Variants in ACOT9 observed in about 807,000 individuals in gnomAD.
ACOT9 encodes the protein acyl-coenzyme A thioesterase 9, mitochondrial.
A neutral mutation model predicts 39.7 loss-of-function variants in ACOT9; 34 were observed. That is an observed-to-expected ratio of 0.86 (90% CI 0.65 to 1.14). The LOEUF (loss-of-function observed/expected upper bound fraction) is 1.14, where lower values mean the gene tolerates loss of function less well. ACOT9 is among the 50% of genes most tolerant of loss of function. The probability of loss-of-function intolerance (pLI) is 0.00; values close to 1 mark genes in which losing one functional copy is unlikely to be tolerated. For synonymous variants in ACOT9, 110 were observed against 120.5 expected (o/e 0.91, Z 0.57); for missense variants, 313 against 344.1 (o/e 0.91, Z 0.71).
chrX:23,742,213 T>TGAGAGAGA (rs1190609377), intron 1 of ACOT9, among the ~76,000 whole-genome samples: 4 of 68,909 alleles, frequency 5.8e-5, no homozygotes, highest in African/African-American at 1.5e-4. Context: ...AGTGAGTGAG[T>TGAGAGAGA]GAGAGAGAGA....
Position 23,704,706 on chromosome X carries a change from T to C in ACOT9, c.1246A>G (p.Lys416Glu). 8.3e-7 allele frequency: 1 copy of C among 1,211,533 alleles called. No individual in the cohort carries two copies. Among genetic ancestry groups the C allele is most frequent in the Non-Finnish European group, 1.1e-6 (1 of 895,232 alleles). ...AATCACTACTTACCTCCATATGTTT[T>C]TGGGAAAACCAATGGCACTTCTTTT... The part of the protein sequence containing the change: ...SEKEVPLVFP[K>E]TYGESMLYLD... Residue 416 changes from lysine to glutamate, a missense_variant, in exon 15 of 16, where the codon AAA becomes GAA. Physicochemically the swap from Lys to Glu is moderately conservative, Grantham distance 56. Transcript: ENST00000379303.
At chrX:23,735,215 T>A (rs1467591257) in intron 2 of ACOT9, among the ~76,000 whole-genome samples, 2 of 74,871 alleles carry the variant, frequency 2.7e-5, no homozygotes, top group African/African-American at 1.1e-4. Context: ...CACTCCAGCC[T>A]GGGTGACAGA....
chrX:23,720,758 G>A (rs987876923), intron 8 of ACOT9, among the ~76,000 whole-genome samples: 19 of 110,682 alleles, frequency 1.7e-4, no homozygotes, highest in Non-Finnish European at 3.4e-4. Context: ...TTGTGGTACC[G>A]CTGCCCCTTG....
intron 8 of ACOT9, among the ~76,000 whole-genome samples, chrX:23,719,963 T>C (rs947840310): frequency 1.8e-5 from 2 of 110,605 alleles, no homozygotes; most frequent in Non-Finnish European, 3.8e-5. Context: ...CAGCCTCCCA[T>C]AGCTGGGATT....
At chrX:23,730,158 G>A (rs1403329392) in intron 6 of ACOT9, among the ~76,000 whole-genome samples, 10 of 93,347 alleles carry the variant, frequency 1.1e-4, no homozygotes, top group African/African-American at 4.2e-4. Context: ...GCAATGGCAC[G>A]ATCTCAGCTC....
intron 9 of ACOT9, among the ~76,000 whole-genome samples, chrX:23,711,772 A>G (rs1928903030): frequency 9.0e-6 from 1 of 111,289 alleles, no homozygotes; most frequent in South Asian, 3.7e-4. Flanking sequence ...GAACCCACAC[A>G]CTAATCTTAG....
intron 8 of ACOT9, among the ~76,000 whole-genome samples, chrX:23,718,655 C>T (rs1466209664): frequency 9.0e-6 from 1 of 111,092 alleles, no homozygotes; most frequent in Non-Finnish European, 1.9e-5. Context: ...CCTGTAATCC[C>T]AGCACTTTGG....
chrX:23,705,799 T>G lies in ACOT9; in HGVS notation c.902A>C (p.Lys301Thr). 1 of 1,211,488 alleles carries G rather than the reference T, an allele frequency of 8.3e-7. No homozygotes were observed. The highest frequency in any genetic ancestry group is 1.1e-6 in the Non-Finnish European group (1 of 895,064). Reference sequence around the variant, plus strand: ...GTGGCAAATTTCCAAACTCTTCAGTTTTGAATTCTCCATCCACACTGCATT... The same window carrying G: ...GTGGCAAATTTCCAAACTCTTCAGTGTTGAATTCTCCATCCACACTGCATT... ...PSNAVWMENS[K>T]LKSLEICHPQ... is the part of the protein sequence containing the mutation. The change falls in exon 12 of 16, where the codon AAA (lysine) becomes ACA (threonine). Residue 301 changes from lysine (K) to threonine (T), a missense_variant. By Grantham distance (78) the Lys-to-Thr change is moderately conservative. Transcript: ENST00000379303.
chrX:23,730,458 C>T (rs1340045646), intron 6 of ACOT9, 69 bp downstream of exon 6: 1 of 836,748 alleles, frequency 1.2e-6, no homozygotes, highest in Non-Finnish European at 1.8e-6. Flanking sequence ...ATAAAAGAGC[C>T]CTTTCCAGTC....
chrX:23,730,157 C>T (rs1389730291), intron 6 of ACOT9, among the ~76,000 whole-genome samples: 4 of 92,980 alleles, frequency 4.3e-5, no homozygotes, highest in Admixed American at 1.4e-4. Flanking sequence ...TGCAATGGCA[C>T]GATCTCAGCT....
At chrX:23,728,916 C>A (rs943432157) in intron 6 of ACOT9, among the ~76,000 whole-genome samples, 1 of 110,897 alleles carries the variant, frequency 9.0e-6, no homozygotes, top group Non-Finnish European at 1.9e-5. Flanking sequence ...CAGAAGCTAG[C>A]CTGAAGGGAC....
chrX:23,728,975 A>G (rs888036755), intron 6 of ACOT9, among the ~76,000 whole-genome samples: 60 of 111,683 alleles, frequency 5.4e-4, no homozygotes, highest in African/African-American at 1.8e-3. Flanking sequence ...ATAGTAACAT[A>G]TTATAGTCCA....
chrX:23,739,864 G>A (rs1053448264), intron 1 of ACOT9, among the ~76,000 whole-genome samples: 3 of 110,760 alleles, frequency 2.7e-5, no homozygotes, highest in Non-Finnish European at 5.7e-5. Flanking sequence ...AGAATCAAAT[G>A]AGGAGAGAAA....
intron 15 of ACOT9, 59 bp from the exon 16 acceptor site, chrX:23,704,041 T>A (rs1311225896): frequency 2.0e-6 from 2 of 976,230 alleles, no homozygotes; most frequent in African/African-American, 1.9e-5. Flanking sequence ...AACCATCATA[T>A]CATCATACAA....
In ACOT9 at chrX:23,705,592, C is replaced by T; in HGVS notation, c.936G>A (p.Glu312=). 8.3e-7 allele frequency: 1 copy of T among 1,207,044 alleles called. No individual in the cohort carries two copies. Among genetic ancestry groups the T allele is most frequent in the Non-Finnish European group, 1.1e-6 (1 of 892,061 alleles). ...CAAAGATCCGATTGAAAATGTTCCGCTCCTACAGGACATAAATAAATATCA... is the reference window on the plus strand; with the variant it reads ...CAAAGATCCGATTGAAAATGTTCCGTTCCTACAGGACATAAATAAATATCA... ...LKSLEICHPQ[E]RNIFNRIFGG... is the part of the protein sequence containing the mutation. Residue 312 remains glutamate, a splice_region_variant and synonymous_variant, in exon 13 of 16, where the codon GAG becomes GAA. Coordinates refer to ENST00000379303, the MANE Select transcript of ACOT9 (RefSeq NM_001037171.2).
chrX:23,731,131 A>T, intron 4 of ACOT9, 145 bp from the exon 5 acceptor site: 3 of 429,756 alleles, frequency 7.0e-6, no homozygotes, highest in East Asian at 8.0e-5. Context: ...CTCCCTTCCC[A>T]CCTGCCACTT....
chrX:23,721,940 T>C lies in ACOT9; in HGVS notation c.529A>G (p.Ser177Gly), dbSNP rs774215042. The change falls in exon 8 of 16, where the codon AGT becomes GGT. Residue 177 changes from serine (S) to glycine (G), a missense_variant. Coordinates refer to ENST00000379303, the MANE Select transcript of ACOT9 (RefSeq NM_001037171.2). ...SLSPEQDIKF[S>G]GHVSWVGKTS... ...TTCCCGACCCAGCTAACATGGCCAC[T>C]GAACTTAATGTCCTGTTCTGGGCTC... 15 of 1,211,268 alleles carry C rather than the reference T, an allele frequency of 1.2e-5. No individual in the cohort carries two copies. The highest frequency in any genetic ancestry group is 1.7e-5 in the Non-Finnish European group (15 of 895,109).
chrX:23,738,687 CCATTAG>C (rs1930028506), intron 1 of ACOT9, among the ~76,000 whole-genome samples: 1 of 111,497 alleles, frequency 9.0e-6, no homozygotes, highest in Non-Finnish European at 1.9e-5. Context: ...TCTATTGCTA[CCATTAG>C]CTGAAAGAGC....
chrX:23,729,900 G>A (rs1929670516), intron 6 of ACOT9, among the ~76,000 whole-genome samples: 1 of 111,344 alleles, frequency 9.0e-6, no homozygotes, highest in Admixed American at 9.6e-5. Flanking sequence ...CAAAGTGCTG[G>A]GATTATAGGC....
Sources: allele counts gnomAD v4.1 joint callset (sites outside exome capture counted in the v4.1 genomes callset), GRCh38; gene constraint gnomAD v4.1.1; transcripts MANE v1.5; gene names NCBI Gene and HGNC (gene_info 2026-07-23, HGNC 2026-07-21).